C22orf15: variants seen among roughly 807,000 people sequenced by gnomAD.
The protein encoded by C22orf15 is uncharacterized protein C22orf15.
Under a neutral mutation model 20.3 loss-of-function variants are expected in C22orf15, and 21 were observed. The observed-to-expected ratio is 1.04, with a 90% CI of 0.74 to 1.49. C22orf15 has a LOEUF of 1.49. Among genes scored for constraint, C22orf15 ranks in the 40% most tolerant of loss-of-function variants. The pLI is 0.00. For synonymous variants in C22orf15, 78 were observed against 75.4 expected (o/e 1.03, Z -0.18); for missense variants, 170 against 191.1 (o/e 0.89, Z 0.65).
At chr22:23,763,381 C>G in intron 1 of C22orf15, 50 bp downstream of exon 1, 2 of 1,515,506 alleles carry the variant, frequency 1.3e-6, no homozygotes, top group South Asian at 2.5e-5. Flanking sequence ...TGAGCACACT[C>G]AGAGGCGTGC....
At position 23,765,572 on chromosome 22, in the gene C22orf15, C is replaced by T. The variant is rs535496737; in HGVS notation, c.436-149C>T. ...CAGGTATCCCTGATAAGGGGGAGACCATGGGTTCATCCTGGGATTCCACCC... is the reference window on the plus strand; with the variant it reads ...CAGGTATCCCTGATAAGGGGGAGACTATGGGTTCATCCTGGGATTCCACCC... On this transcript the variant is annotated intron_variant, in intron 5 of 5. Coordinates refer to ENST00000402217, the MANE Select transcript of C22orf15 (RefSeq NM_182520.3). 3.3e-6 allele frequency: 5 copies of T among 1,524,750 alleles called. No individual in the cohort carries two copies. The African/African-American group carries it at 5.5e-5, about 17-fold the overall frequency. The allele number at this position is 1,524,750 out of a possible 1,614,324, so 94.5% of individuals were successfully genotyped here.
At chr22:23,764,030 C>A in intron 1 of C22orf15, 57 bp from the exon 2 acceptor site, 1 of 1,511,664 alleles carries the variant, frequency 6.6e-7, no homozygotes, top group Non-Finnish European at 9.0e-7. Context: ...AGACAGAGGA[C>A]CCCGATTTGG....
chr22:23,765,521 G>A, intron 5 of C22orf15, 200 bp from the exon 6 acceptor site: 1 of 1,549,744 alleles, frequency 6.5e-7, no homozygotes, highest in Non-Finnish European at 8.7e-7. Flanking sequence ...GGGATGCAGA[G>A]GTAGAGACAA....
intron 1 of C22orf15, among the ~76,000 whole-genome samples, chr22:23,763,697 C>T (rs369612996): frequency 6.6e-6 from 1 of 152,224 alleles, no homozygotes; most frequent in Non-Finnish European, 1.5e-5. Flanking sequence ...GTCCCCGTGC[C>T]TCTGGCTGGA....
chr22:23,763,115 G>C lies in C22orf15; in HGVS notation c.-192G>C, dbSNP rs1925980768. 2.9e-6 allele frequency: 2 copies of C among 690,848 alleles called. No individual in the cohort carries two copies. The highest frequency in any genetic ancestry group is 3.7e-5 in the African/African-American group (2 of 54,350). 42.8% of individuals were successfully genotyped at this position (690,848 alleles called of 1,614,324 possible). On this transcript the variant is annotated 5_prime_UTR_variant, in exon 1 of 6. Transcript: ENST00000402217. ...GGACTAGCTGCAGGGTTTGAGCTAG[G>C]CTGAAGCAGCAGAACCACAGAGGTG...
chr22:23,765,096 C>T (rs923780904), intron 5 of C22orf15, 194 bp downstream of exon 5: 2 of 1,438,492 alleles, frequency 1.4e-6, no homozygotes, highest in South Asian at 1.5e-5. Context: ...TGAGACAGGT[C>T]CCCACCACCC....
intron 5 of C22orf15, chr22:23,765,213 CAATG>C: frequency 6.9e-7 from 1 of 1,452,178 alleles, no homozygotes; most frequent in South Asian, 1.4e-5. Context: ...TGGATGAACT[CAATG>C]AAGGCGGCAG....
At position 23,763,630 on chromosome 22, in the gene C22orf15, G is replaced by A. The variant is rs114418367; in HGVS notation, c.25+299G>A. Among the ~76,000 whole-genome samples, 896 of 152,360 alleles carry A rather than the reference G, an allele frequency of 5.9e-3. 8 individuals carry two copies. Among genetic ancestry groups the A allele is most frequent in the African/African-American group, 0.021 (859 of 41,590 alleles). ...GCACAATCTCTTCGCCATTCAATCC[G>A]TGATCCTCAAGCTTCAGCGTGCATC... On this transcript the variant is annotated intron_variant, in intron 1 of 5. Coordinates refer to ENST00000402217, the MANE Select transcript of C22orf15 (RefSeq NM_182520.3).
At position 23,765,574 on chromosome 22, in the gene C22orf15, T is replaced by G. The variant is rs1294652571; in HGVS notation, c.436-147T>G. ...GGTATCCCTGATAAGGGGGAGACCA[T>G]GGGTTCATCCTGGGATTCCACCCTC... On this transcript the variant is annotated intron_variant, in intron 5 of 5. Transcript: ENST00000402217. 2.6e-6 allele frequency: 4 copies of G among 1,524,768 alleles called. No homozygotes were observed. In the East Asian group the frequency reaches 9.8e-5, roughly 37 times the overall value. The allele number at this position is 1,524,768 out of a possible 1,614,324, so 94.5% of individuals were successfully genotyped here. A position where few individuals can be genotyped will look rare whatever the true frequency, so the allele number is the denominator to read the frequency against.
chr22:23,765,495 TG>T, intron 5 of C22orf15: 2 of 1,550,686 alleles, frequency 1.3e-6, no homozygotes, highest in Non-Finnish European at 1.7e-6. Context: ...GCACCTAAGC[TG>T]TGGGTGCAGA....
chr22:23,764,309 G>C lies in C22orf15; in HGVS notation c.162G>C (p.Glu54Asp), dbSNP rs1031907612. Residue 54 changes from glutamate to aspartate, a missense_variant, in exon 3 of 6, where the codon GAG becomes GAC. Coordinates refer to ENST00000402217, the MANE Select transcript of C22orf15 (RefSeq NM_182520.3). ...AEDGNLVSLE[E>D]DLKEGASRAQ... is the part of the protein sequence containing the mutation. ...ATGGCAACCTAGTGAGCCTGGAGGAGGACCTGAAGGAAGGGGCTTCCCGGG... is the reference window on the plus strand; with the variant it reads ...ATGGCAACCTAGTGAGCCTGGAGGACGACCTGAAGGAAGGGGCTTCCCGGG... 3.2e-6 allele frequency: 5 copies of C among 1,551,518 alleles called. No individual in the cohort carries two copies. The highest frequency in any genetic ancestry group is 4.4e-6 in the Non-Finnish European group (5 of 1,146,988).
At chr22:23,764,010 TG>T (rs1445051714) in intron 1 of C22orf15, 76 bp from the exon 2 acceptor site, 1 of 1,381,686 alleles carries the variant, frequency 7.2e-7, no homozygotes, top group Non-Finnish European at 1.0e-6. Flanking sequence ...AAGGGAGAGA[TG>T]GGAGGGAGAG....
intron 5 of C22orf15, 120 bp from the exon 6 acceptor site, chr22:23,765,601 G>C (rs905122257): frequency 3.3e-6 from 5 of 1,515,782 alleles, no homozygotes; most frequent in Non-Finnish European, 3.5e-6. Context: ...TCCACCCTCA[G>C]AGTCAGATGC....
chr22:23,763,257 C>T lies in C22orf15; in HGVS notation c.-50C>T. The T allele has an allele frequency of 1.3e-6, 2 of 1,549,036 alleles. No individual in the cohort carries two copies. The highest frequency in any genetic ancestry group is 1.7e-6 in the Non-Finnish European group (2 of 1,146,000). ...CCACGCTTTTCCTTAGTTGGGGAAT[C>T]GAGAGTTGGGGGATCAAAGCCCCCC... On this transcript the variant is annotated 5_prime_UTR_variant, in exon 1 of 6. Transcript: ENST00000402217.
chr22:23,763,388 G>T, intron 1 of C22orf15, 57 bp downstream of exon 1: 1 of 1,508,802 alleles, frequency 6.6e-7, no homozygotes, highest in Non-Finnish European at 8.9e-7. Flanking sequence ...ACTCAGAGGC[G>T]TGCTTCCTTC....
chr22:23,765,657 C>T, intron 5 of C22orf15, 64 bp from the exon 6 acceptor site: 1 of 1,521,992 alleles, frequency 6.6e-7, no homozygotes, highest in Non-Finnish European at 8.8e-7. Flanking sequence ...TCTGGACTGC[C>T]CAAGGAATCT....
intron 3 of C22orf15, 47 bp downstream of exon 3, chr22:23,764,444 A>T: frequency 6.2e-7 from 1 of 1,604,868 alleles, no homozygotes; most frequent in Non-Finnish European, 8.5e-7. Context: ...GTAGAATGTA[A>T]GAGGGGGGCA....
Position 23,764,726 on chromosome 22 carries a change from G to A in C22orf15, c.325+13G>A. Reference sequence around the variant, plus strand: ...CCAGAGCTGGCAGGTGAGTGTCAGGGTACAGCCCAGGGGGAGGGCACACCT... The same window carrying A: ...CCAGAGCTGGCAGGTGAGTGTCAGGATACAGCCCAGGGGGAGGGCACACCT... On this transcript the variant is annotated intron_variant, in intron 4 of 5. Transcript: ENST00000402217. The A allele has an allele frequency of 1.2e-6, 2 of 1,614,164 alleles. No homozygotes were observed. Among genetic ancestry groups the A allele is most frequent in the South Asian group, 1.1e-5 (1 of 91,084 alleles).
chr22:23,764,208 G>A (rs1407228910), intron 2 of C22orf15, 35 bp downstream of exon 2: 2 of 1,551,504 alleles, frequency 1.3e-6, no homozygotes, highest in South Asian at 1.2e-5. Context: ...GGGGCTGAGG[G>A]GTCCCAGGCA....
Sources: gnomAD v4.1 joint callset for allele counts (sites outside exome capture counted in the v4.1 genomes callset) on GRCh38, gnomAD v4.1.1 for gene constraint, MANE v1.5 for transcripts, NCBI Gene and HGNC (gene_info 2026-07-23, HGNC 2026-07-21) for gene names.